Variants in MAP1S observed in about 807,000 individuals in gnomAD.
MAP1S encodes the protein microtubule associated protein 1S.
In MAP1S, 27 loss-of-function variants were observed where a neutral mutation model predicts 60.9. The observed-to-expected ratio is 0.44, with a 90% CI of 0.33 to 0.61. The LOEUF (loss-of-function observed/expected upper bound fraction) is 0.61, where lower values mean the gene tolerates loss of function less well. Among genes scored for constraint, MAP1S ranks in the 20% least tolerant of loss-of-function variants. The pLI is 0.03. For synonymous variants in MAP1S, 826 were observed against 694.2 expected (o/e 1.19, Z -2.98); for missense variants, 1,608 against 1,486.6 (o/e 1.08, Z -1.34).
Position 17,725,937 on chromosome 19 carries a change from C to A in MAP1S, c.553C>A (p.Leu185Ile), listed in dbSNP as rs1366522950. The change falls in exon 5 of 7, where the codon CTT (leucine) becomes ATT (isoleucine). Residue 185 changes from leucine (L) to isoleucine (I), a missense_variant. Transcript: ENST00000324096. This position sits in a 1 kb window ranked among gnomAD's most constrained non-coding sequence, Gnocchi z 4.2. Reference sequence around the variant, plus strand: ...TCAGCTGGCACCCGCTGTGCCTGGCCTTCAGGGGGCGCTCCGGCTCCAGCT... The same window carrying A: ...TCAGCTGGCACCCGCTGTGCCTGGCATTCAGGGGGCGCTCCGGCTCCAGCT... ...WAQLAPAVPG[L>I]QGALRLQLRL... The A allele has an allele frequency of 6.2e-7, 1 of 1,613,584 alleles. No individual in the cohort carries two copies. The highest frequency in any genetic ancestry group is 8.5e-7 in the Non-Finnish European group (1 of 1,179,864).
At chr19:17,724,274 T>C in intron 3 of MAP1S, 66 bp downstream of exon 3, 1 of 1,315,974 alleles carries the variant, frequency 7.6e-7, no homozygotes, top group East Asian at 2.3e-5. Context: ...TGTCTTCCTG[T>C]CTCGTGTCCT....
rs201441379 is a variant in MAP1S at position 17,734,258 on chromosome 19, C to T, written c.3025-15C>T. 1.1e-5 allele frequency: 18 copies of T among 1,606,492 alleles called. No individual in the cohort carries two copies. In the African/African-American group the frequency reaches 2.4e-4, roughly 21 times the overall value. On this transcript the variant is annotated splice_polypyrimidine_tract_variant and intron_variant, in intron 6 of 6. Transcript: ENST00000324096. ...GGTGGTCCACTCTCCCCACACACCC[C>T]CCCTCCACCTGCAGGTGACCCTGAT...
At position 17,728,038 on chromosome 19, in the gene MAP1S, A is replaced by G; in HGVS notation, c.2654A>G (p.Lys885Arg). Residue 885 changes from lysine (K) to arginine (R), a missense_variant, in exon 5 of 7, where the codon AAA (lysine) becomes AGA (arginine). Coordinates refer to ENST00000324096, the MANE Select transcript of MAP1S (RefSeq NM_018174.6). ...APKATPVAAA[K>R]TKGLAGGDRA... The stretch of plus-strand genomic sequence containing the variant: ...AAAGCCACTCCAGTGGCTGCTGCCA[A>G]AACCAAGGGGCTTGCTGGTGGGGAC... The G allele has an allele frequency of 6.2e-7, 1 of 1,612,162 alleles. No homozygotes were observed. The highest frequency in any genetic ancestry group is 8.5e-7 in the Non-Finnish European group (1 of 1,179,642).
chr19:17,726,269 C>T lies in MAP1S; in HGVS notation c.885C>T (p.Ala295=), dbSNP rs767255108. The change falls in exon 5 of 7, where the codon GCC becomes GCT. Residue 295 remains alanine (A), a synonymous_variant. Coordinates refer to ENST00000324096, the MANE Select transcript of MAP1S (RefSeq NM_018174.6). ...VDAVLVTHPG[A]DSLPGLNSLL... is the part of the protein sequence containing the mutation. ...CCGTGCTGGTGACCCACCCTGGCGC[C>T]GACAGCCTCCCCGGCCTCAACAGCC... The T allele has an allele frequency of 3.1e-6, 5 of 1,606,412 alleles. No homozygotes were observed. The highest frequency in any genetic ancestry group is 2.7e-5 in the African/African-American group (2 of 74,852).
chr19:17,734,490 A>G lies in MAP1S; in HGVS notation c.*62A>G, dbSNP rs1255445241. The G allele has an allele frequency of 6.4e-7, 1 of 1,551,256 alleles. No homozygotes were observed. The highest frequency in any genetic ancestry group is 8.7e-7 in the Non-Finnish European group (1 of 1,146,746). On this transcript the variant is annotated 3_prime_UTR_variant, in exon 7 of 7. Coordinates refer to ENST00000324096, the MANE Select transcript of MAP1S (RefSeq NM_018174.6). ...GCCTGTCCCTAGATTCAGCCACATC[A>G]GAAATAAACTGTGACTACACTTGGC...
chr19:17,725,301 C>T lies in MAP1S; in HGVS notation c.444+112C>T. 1 of 1,293,206 alleles carries T rather than the reference C, an allele frequency of 7.7e-7. No individual in the cohort carries two copies. The highest frequency in any genetic ancestry group is 2.4e-5 in the East Asian group (1 of 41,854). 80.1% of individuals were successfully genotyped at this position (1,293,206 alleles called of 1,614,324 possible). A position where few individuals can be genotyped will look rare whatever the true frequency, so the allele number is the denominator to read the frequency against. ...GTTTTCCATGGCCTGGTCTCCCCAT[C>T]CTCTGTAGGATGGCAGTGGTGACAC... On this transcript the variant is annotated intron_variant, in intron 4 of 6. Coordinates refer to ENST00000324096, the MANE Select transcript of MAP1S (RefSeq NM_018174.6). This position sits in a 1 kb window ranked among gnomAD's most constrained non-coding sequence, Gnocchi z 4.2.
Position 17,728,002 on chromosome 19 carries a change from C to G in MAP1S, c.2618C>G (p.Ala873Gly). The change falls in exon 5 of 7, where the codon GCT becomes GGT. Residue 873 changes from alanine (A) to glycine (G), a missense_variant. Physicochemically the swap from Ala to Gly is moderately conservative, Grantham distance 60 (BLOSUM62 0). Transcript: ENST00000324096. ...RKPLARPNSR[A>G]AAPKATPVAA... ...CCCCTGGCCCGCCCCAACTCACGCG[C>G]TGCCGCCCCCAAAGCCACTCCAGTG... 1 of 1,611,398 alleles carries G rather than the reference C, an allele frequency of 6.2e-7. No individual in the cohort carries two copies. The highest frequency in any genetic ancestry group is 2.2e-5 in the East Asian group (1 of 44,808).
intron 5 of MAP1S, chr19:17,732,930 T>C: frequency 2.0e-6 from 1 of 504,130 alleles, no homozygotes; most frequent in Non-Finnish European, 3.5e-6. Context: ...CATGCACCTG[T>C]AGTCCCATCT....
At position 17,725,343 on chromosome 19, in the gene MAP1S, T is replaced by C. The variant is rs1295917144; in HGVS notation, c.444+154T>C. Among the ~76,000 whole-genome samples the C allele has an allele frequency of 2.6e-5, 4 of 152,174 alleles. No individual in the cohort carries two copies. The East Asian group carries it at 5.8e-4, about 22-fold the overall frequency. On this transcript the variant is annotated intron_variant, in intron 4 of 6. Coordinates refer to ENST00000324096, the MANE Select transcript of MAP1S (RefSeq NM_018174.6). This position sits in a 1 kb window ranked among gnomAD's most constrained non-coding sequence, Gnocchi z 4.2. ...TGGTGACACATGCCTCCTGGCTGTC[T>C]GGGGTCAGTCCCATTGCCCGCGAAA...
At chr19:17,732,677 G>A (rs2080502441) in intron 5 of MAP1S, among the ~76,000 whole-genome samples, 1 of 152,222 alleles carries the variant, frequency 6.6e-6, no homozygotes, top group Admixed American at 6.5e-5. Context: ...AATGCCCCTT[G>A]AGCAAGTGAA....
rs1387101171 is a variant in MAP1S, at chr19:17,727,900, G to C, written c.2516G>C (p.Ser839Thr). The C allele has an allele frequency of 6.2e-7, 1 of 1,612,428 alleles. No homozygotes were observed. Among genetic ancestry groups the C allele is most frequent in the Admixed American group, 1.7e-5 (1 of 59,942 alleles). Residue 839 changes from serine to threonine, a missense_variant, in exon 5 of 7, where the codon AGC (serine) becomes ACC (threonine). Coordinates refer to ENST00000324096, the MANE Select transcript of MAP1S (RefSeq NM_018174.6). This position sits in a 1 kb window ranked among gnomAD's most constrained non-coding sequence, Gnocchi z 4.1. The part of the protein sequence containing the change: ...KVPPPLPDPS[S>T]ICMVDPEMLP... ...CCCCCACCACTGCCTGACCCATCCA[G>C]CATCTGCATGGTGGACCCCGAGATG...
In MAP1S at chr19:17,727,046, G is replaced by A. The variant is rs535252653; in HGVS notation, c.1662G>A (p.Thr554=). The A allele has an allele frequency of 3.7e-6, 6 of 1,605,838 alleles. No homozygotes were observed. Among genetic ancestry groups the A allele is most frequent in the East Asian group, 2.2e-5 (1 of 44,586 alleles). Residue 554 remains threonine, a synonymous_variant, in exon 5 of 7, where the codon ACG becomes ACA. Coordinates refer to ENST00000324096, the MANE Select transcript of MAP1S (RefSeq NM_018174.6). This position sits in a 1 kb window ranked among gnomAD's most constrained non-coding sequence, Gnocchi z 4.1. ...AASSVPNLKK[T]NAQAAPKPRK... ...CTTCTGTGCCCAACCTCAAGAAGACGAATGCCCAGGCGGCACCCAAGCCCC... is the reference window on the plus strand; with the variant it reads ...CTTCTGTGCCCAACCTCAAGAAGACAAATGCCCAGGCGGCACCCAAGCCCC...
chr19:17,721,882 G>C (rs996425557), intron 2 of MAP1S, among the ~76,000 whole-genome samples: 1 of 152,144 alleles, frequency 6.6e-6, no homozygotes, highest in Non-Finnish European at 1.5e-5. Flanking sequence ...GGTGACCCAG[G>C]GTGAGCAGAG....
At chr19:17,721,066 C>T (rs1456711475) in intron 2 of MAP1S, 29 bp downstream of exon 2, 38 of 1,576,858 alleles carry the variant, frequency 2.4e-5, no homozygotes, top group Non-Finnish European at 3.3e-5. Flanking sequence ...TGACTGCTCC[C>T]TACCTCTTGT....
chr19:17,723,669 T>C (rs1020827275), intron 2 of MAP1S, among the ~76,000 whole-genome samples: 1 of 151,950 alleles, frequency 6.6e-6, no homozygotes, highest in Non-Finnish European at 1.5e-5. Flanking sequence ...GCTTACACGG[T>C]GAAACCCTGT....
chr19:17,724,886 A>G (rs943941454), intron 3 of MAP1S, 163 bp from the exon 4 acceptor site: 4 of 793,794 alleles, frequency 5.0e-6, no homozygotes, highest in Non-Finnish European at 8.4e-6. Context: ...AGGGCCCAGC[A>G]GGAGACCTGG....
Position 17,725,537 on chromosome 19 carries a change from G to T in MAP1S, c.445-292G>T, listed in dbSNP as rs531572980. Among the ~76,000 whole-genome samples the T allele has an allele frequency of 6.6e-6, 1 of 152,304 alleles. No individual in the cohort carries two copies. Among genetic ancestry groups the T allele is most frequent in the African/African-American group, 2.4e-5 (1 of 41,566 alleles). ...GGGCACTTAAAAATGGTGAGAAAAG[G>T]TTCAGTAGACAGGTGGGGCGTGGAG... On this transcript the variant is annotated intron_variant, in intron 4 of 6. Coordinates refer to ENST00000324096, the MANE Select transcript of MAP1S (RefSeq NM_018174.6). This position sits in a 1 kb window ranked among gnomAD's most constrained non-coding sequence, Gnocchi z 4.2.
rs200240959 is a variant in MAP1S, at chr19:17,725,779, T to C, written c.445-50T>C. 11 of 1,549,868 alleles carry C rather than the reference T, an allele frequency of 7.1e-6. No individual in the cohort carries two copies. The highest frequency in any genetic ancestry group is 6.9e-5 in the African/African-American group (5 of 72,930). The stretch of plus-strand genomic sequence containing the variant: ...TCCTCGCCCAGTTTTCCCACCGGGC[T>C]AGGTGTTGCCTGGCTCTAGGTGGTC... On this transcript the variant is annotated intron_variant, in intron 4 of 6. Coordinates refer to ENST00000324096, the MANE Select transcript of MAP1S (RefSeq NM_018174.6). The surrounding 1 kb of genome is among the most constrained non-coding windows in gnomAD (Gnocchi z 4.2).
At position 17,727,005 on chromosome 19, in the gene MAP1S, G is replaced by T. The variant is rs749440971; in HGVS notation, c.1621G>T (p.Val541Leu). 3 of 1,581,746 alleles carry T rather than the reference G, an allele frequency of 1.9e-6. No individual in the cohort carries two copies. Among genetic ancestry groups the T allele is most frequent in the Admixed American group, 1.8e-5 (1 of 54,970 alleles). ...PSVSRTQPRE[V>L]RRAASSVPNL... The stretch of plus-strand genomic sequence containing the variant: ...TGTCTCCCGGACCCAGCCGCGGGAG[G>T]TGCGCCGGGCAGCCTCTTCTGTGCC... The change falls in exon 5 of 7, where the codon GTG becomes TTG. Residue 541 changes from valine to leucine, a missense_variant. Physicochemically the swap from Val to Leu is conservative, Grantham distance 32. Coordinates refer to ENST00000324096, the MANE Select transcript of MAP1S (RefSeq NM_018174.6). The surrounding 1 kb of genome is among the most constrained non-coding windows in gnomAD (Gnocchi z 4.1).
Sources: allele counts gnomAD v4.1 joint callset (sites outside exome capture counted in the v4.1 genomes callset), GRCh38; gene constraint gnomAD v4.1.1; non-coding constraint Gnocchi (gnomAD v3.1); transcripts MANE v1.5; gene names NCBI Gene and HGNC (gene_info 2026-07-23, HGNC 2026-07-21).